Variants in PTPN4 observed in about 807,000 individuals in gnomAD.
PTPN4 encodes the protein protein tyrosine phosphatase non-receptor type 4, also known as tyrosine-protein phosphatase non-receptor type 4.
In PTPN4, 49 loss-of-function variants were observed where a neutral mutation model predicts 135.5. That is an observed-to-expected ratio of 0.36 (90% CI 0.29 to 0.46). PTPN4 has a LOEUF of 0.46. PTPN4 is among the 20% of genes least tolerant of loss of function. The pLI is 1.00. For missense variants in PTPN4, 860 were observed against 1,101.0 expected, an observed-to-expected ratio of 0.78 and a Z score of 3.10; for synonymous variants, 333 against 369.9, an observed-to-expected ratio of 0.90 and a Z score of 1.14.
intron 2 of PTPN4, among the ~76,000 whole-genome samples, chr2:119,823,391 C>T (rs766076438): frequency 2.0e-5 from 3 of 152,054 alleles, no homozygotes; most frequent in South Asian, 2.1e-4. Context: ...CCCGCCACCA[C>T]GCCCGGCTAA....
chr2:119,820,709 T>C (rs1677053086), intron 2 of PTPN4, among the ~76,000 whole-genome samples: 1 of 152,238 alleles, frequency 6.6e-6, no homozygotes, highest in Non-Finnish European at 1.5e-5. Flanking sequence ...ATCAGGAATT[T>C]GGTTTCATAT....
chr2:119,939,059 G>A (rs1679026259), intron 15 of PTPN4, among the ~76,000 whole-genome samples: 1 of 152,132 alleles, frequency 6.6e-6, no homozygotes, highest in South Asian at 2.1e-4. Flanking sequence ...AAAAAACAGG[G>A]TGATAATAAT....
At chr2:119,804,673 C>G (rs1030700636) in intron 1 of PTPN4, among the ~76,000 whole-genome samples, 3 of 152,176 alleles carry the variant, frequency 2.0e-5, no homozygotes, top group Non-Finnish European at 2.9e-5. Flanking sequence ...TTAATCTAGT[C>G]TATCATAGAT....
intron 2 of PTPN4, among the ~76,000 whole-genome samples, chr2:119,816,007 C>T (rs1181780385): frequency 6.6e-6 from 1 of 152,142 alleles, no homozygotes; most frequent in Non-Finnish European, 1.5e-5. Context: ...TAAGTATAGT[C>T]ACGCATCACT....
At chr2:119,891,644 A>C (rs1247408132) in intron 9 of PTPN4, among the ~76,000 whole-genome samples, 1 of 152,176 alleles carries the variant, frequency 6.6e-6, no homozygotes, top group Admixed American at 6.5e-5. Flanking sequence ...CTTTAAAAAA[A>C]TATCTCTTTG....
At chr2:119,784,169 A>G (rs1160556698) in intron 1 of PTPN4, among the ~76,000 whole-genome samples, 1 of 152,010 alleles carries the variant, frequency 6.6e-6, no homozygotes, top group Admixed American at 6.6e-5. Context: ...TAGAAGTCAT[A>G]TAGCATCACA....
intron 3 of PTPN4, 145 bp from the exon 4 acceptor site, chr2:119,877,178 C>T: frequency 2.9e-6 from 2 of 679,020 alleles, no homozygotes; most frequent in East Asian, 5.7e-5. Flanking sequence ...AAAATATTGT[C>T]TGTAATGCAA....
chr2:119,871,510 T>C (rs1027678925), intron 3 of PTPN4, among the ~76,000 whole-genome samples: 1 of 152,052 alleles, frequency 6.6e-6, no homozygotes, highest in Non-Finnish European at 1.5e-5. Flanking sequence ...TGGACTATAG[T>C]GCACTATGCT....
chr2:119,878,369 T>G (rs1250600579), intron 5 of PTPN4, among the ~76,000 whole-genome samples: 1 of 152,206 alleles, frequency 6.6e-6, no homozygotes, highest in South Asian at 2.1e-4. Flanking sequence ...TAGCATGTTA[T>G]ACTCTCTGTA....
chr2:119,901,762 T>C (rs1389593115), intron 10 of PTPN4, among the ~76,000 whole-genome samples: 1 of 152,054 alleles, frequency 6.6e-6, no homozygotes, highest in Non-Finnish European at 1.5e-5. Context: ...CAGACGGAAA[T>C]GTAAGCACAG....
intron 1 of PTPN4, among the ~76,000 whole-genome samples, chr2:119,794,857 G>A (rs547434103): frequency 6.6e-6 from 1 of 152,328 alleles, no homozygotes; most frequent in African/African-American, 2.4e-5. Context: ...TGGAGAGTAA[G>A]CAAGACAAAG....
chr2:119,944,992 T>A, intron 15 of PTPN4, 89 bp from the exon 16 acceptor site: 1 of 1,217,136 alleles, frequency 8.2e-7, no homozygotes, highest in Middle Eastern at 2.8e-4. Context: ...AGAGCCTGTC[T>A]CCTACCAGAC....
chr2:119,826,435 TCTAAAGCAATGATTC>T (rs750614421), intron 2 of PTPN4, among the ~76,000 whole-genome samples: 8 of 152,190 alleles, frequency 5.3e-5, no homozygotes, highest in African/African-American at 1.7e-4. Context: ...AACTGTAAAC[TCTAAAGCAATGATTC>T]CTAAATGGGG....
chr2:119,816,725 A>G (rs1676992709), intron 2 of PTPN4, among the ~76,000 whole-genome samples: 1 of 152,160 alleles, frequency 6.6e-6, no homozygotes, highest in Non-Finnish European at 1.5e-5. Flanking sequence ...CTACTCCATA[A>G]TCTCATTTTG....
Position 119,962,708 on chromosome 2 carries a change from C to G in PTPN4, c.2373C>G (p.Ala791=), listed in dbSNP as rs1345933785. 1.9e-6 allele frequency: 3 copies of G among 1,589,146 alleles called. No individual in the cohort carries two copies. The highest frequency in any genetic ancestry group is 1.7e-6 in the Non-Finnish European group (2 of 1,162,526). ...VTCHSEEGNT[A]YIFRKMTLFN... ...GCCACTCTGAAGAAGGAAACACTGC[C>G]TATATCTTCAGGAAGATGACCCTAT... is the stretch of plus-strand genomic sequence containing the variant. Residue 791 remains alanine (A), a synonymous_variant, in exon 24 of 27, where the codon GCC becomes GCG. Transcript: ENST00000263708.
At chr2:119,924,092 G>C (rs1316125026) in intron 12 of PTPN4, among the ~76,000 whole-genome samples, 8 of 147,280 alleles carry the variant, frequency 5.4e-5, no homozygotes, top group South Asian at 4.3e-4. Context: ...AGCCGAGATG[G>C]AGCCACTGCA....
At chr2:119,948,088 A>G (rs565191965) in intron 18 of PTPN4, among the ~76,000 whole-genome samples, 5 of 152,238 alleles carry the variant, frequency 3.3e-5, no homozygotes, top group Non-Finnish European at 7.4e-5. Context: ...ATTAATATGT[A>G]TGTAAAAGAT....
intron 12 of PTPN4, among the ~76,000 whole-genome samples, chr2:119,924,863 CAA>C (rs1302363735): frequency 6.6e-6 from 1 of 151,864 alleles, no homozygotes; most frequent in African/African-American, 2.4e-5. Flanking sequence ...GTATTTCAAA[CAA>C]AAGCAATTTA....
At chr2:119,968,321 G>T (rs1013787137) in intron 26 of PTPN4, among the ~76,000 whole-genome samples, 3 of 152,158 alleles carry the variant, frequency 2.0e-5, no homozygotes, top group African/African-American at 7.2e-5. Flanking sequence ...TAACATGCAA[G>T]TTGCCTGGCA....
Sources: allele counts gnomAD v4.1 joint callset (sites outside exome capture counted in the v4.1 genomes callset), GRCh38; gene constraint gnomAD v4.1.1; transcripts MANE v1.5; gene names NCBI Gene and HGNC (gene_info 2026-07-23, HGNC 2026-07-21).